Variants in CNPY1 observed in about 807,000 individuals in gnomAD.
CNPY1 encodes the protein protein canopy homolog 1.
In CNPY1, 14 loss-of-function variants were observed where a neutral mutation model predicts 14.4. The observed-to-expected ratio is 0.97, with a 90% CI of 0.64 to 1.52. The LOEUF (loss-of-function observed/expected upper bound fraction) is 1.52, where lower values mean the gene tolerates loss of function less well. Ranked by LOEUF, CNPY1 falls within the 40% of genes most tolerant of loss-of-function variation. The probability of loss-of-function intolerance (pLI) is 0.00; values close to 1 mark genes in which losing one functional copy is unlikely to be tolerated. For missense variants in CNPY1, 129 were observed against 131.5 expected (o/e 0.98, Z 0.09); for synonymous variants, 43 against 46.5 (o/e 0.92, Z 0.31).
chr7:155,531,197 G>A (rs540359059), intron 2 of CNPY1, among the ~76,000 whole-genome samples: 1 of 152,324 alleles, frequency 6.6e-6, no homozygotes, highest in South Asian at 2.1e-4. Context: ...CCCCAGCTGA[G>A]AGCCGGTGCT....
At chr7:155,513,400 G>A (rs932088649) in intron 2 of CNPY1, among the ~76,000 whole-genome samples, 3 of 152,190 alleles carry the variant, frequency 2.0e-5, no homozygotes, top group African/African-American at 7.2e-5. Context: ...ACGTGAATTT[G>A]TGGTGTCCAT....
At chr7:155,528,338 C>T (rs1796867711) in intron 2 of CNPY1, among the ~76,000 whole-genome samples, 1 of 152,228 alleles carries the variant, frequency 6.6e-6, no homozygotes, top group Non-Finnish European at 1.5e-5. Flanking sequence ...GGTGGGCGGG[C>T]CCAGGAGCCC....
intron 2 of CNPY1, among the ~76,000 whole-genome samples, chr7:155,513,814 C>T (rs1332565060): frequency 6.6e-6 from 1 of 151,948 alleles, no homozygotes; most frequent in Non-Finnish European, 1.5e-5. Context: ...AGTTAAAAAA[C>T]ACACTTTCCT....
rs1221696894 is a variant in CNPY1 at position 155,509,158 on chromosome 7, C to T, written c.100-61G>A. The T allele has an allele frequency of 3.1e-6, 3 of 963,080 alleles. No individual in the cohort carries two copies. In the African/African-American group the frequency reaches 4.9e-5, roughly 16 times the overall value. 59.7% of individuals were successfully genotyped at this position (963,080 alleles called of 1,614,324 possible). ...ATGTTAATGTTACTTCAAAGACCTT[C>T]CGGCGAGTCCACATGGAAACGCCAC... is the stretch of plus-strand genomic sequence containing the variant. On this transcript the variant is annotated intron_variant, in intron 2 of 4. Transcript: ENST00000636446.
chr7:155,524,119 G>C (rs1158324654), intron 2 of CNPY1, among the ~76,000 whole-genome samples: 5 of 152,234 alleles, frequency 3.3e-5, no homozygotes, highest in African/African-American at 1.2e-4. Flanking sequence ...CATCTGGATT[G>C]TAGTGCTTAG....
intron 2 of CNPY1, among the ~76,000 whole-genome samples, chr7:155,528,775 T>A (rs1159783108): frequency 6.6e-6 from 1 of 152,136 alleles, no homozygotes; most frequent in Non-Finnish European, 1.5e-5. Flanking sequence ...AAAAAACAAC[T>A]TTGGGCTGGG....
chr7:155,540,832 G>A (rs1303341967), intron 2 of CNPY1, among the ~76,000 whole-genome samples: 1 of 152,228 alleles, frequency 6.6e-6, no homozygotes, highest in East Asian at 1.9e-4. Flanking sequence ...GCTGAGAGCA[G>A]CAGTGCATGC....
In CNPY1 at chr7:155,501,979, C is replaced by A. The variant is rs1796124942; in HGVS notation, c.*1089G>T. 1.3e-5 allele frequency: 1 copy of A among 74,302 alleles called. No individual in the cohort carries two copies. Among genetic ancestry groups the A allele is most frequent in the South Asian group, 7.1e-4 (1 of 1,412 alleles). The allele number at this position is 74,302 out of a possible 1,614,324, so 4.6% of individuals were successfully genotyped here. A position where few individuals can be genotyped will look rare whatever the true frequency, so the allele number is the denominator to read the frequency against. Reference sequence around the variant, plus strand: ...TTTAAGCAACTAAGTAACAATATGGCAAAGAGTTTTGGGTCGGGGGGGTTG... The same window carrying A: ...TTTAAGCAACTAAGTAACAATATGGAAAAGAGTTTTGGGTCGGGGGGGTTG... On this transcript the variant is annotated 3_prime_UTR_variant, in exon 5 of 5. Transcript: ENST00000636446.
At chr7:155,517,266 A>G (rs1046477284) in intron 2 of CNPY1, among the ~76,000 whole-genome samples, 3 of 152,026 alleles carry the variant, frequency 2.0e-5, no homozygotes, top group Non-Finnish European at 4.4e-5. Context: ...ACACGCACAG[A>G]GGGACGGCCA....
intron 2 of CNPY1, among the ~76,000 whole-genome samples, chr7:155,542,046 G>T (rs1056223084): frequency 2.6e-5 from 4 of 152,100 alleles, no homozygotes; most frequent in East Asian, 1.9e-4. Context: ...GGCAGGGTCG[G>T]GGGGGCAGAA....
At chr7:155,534,148 C>T (rs914966146) in intron 2 of CNPY1, among the ~76,000 whole-genome samples, 1 of 152,184 alleles carries the variant, frequency 6.6e-6, no homozygotes, top group African/African-American at 2.4e-5. Context: ...GAAAAGCCGC[C>T]TTTCCTTTCC....
chr7:155,521,386 T>G lies in CNPY1; in HGVS notation c.100-12289A>C, dbSNP rs1174924555. Among the ~76,000 whole-genome samples, 6 of 152,036 alleles carry G rather than the reference T, an allele frequency of 3.9e-5. No individual in the cohort carries two copies. In the East Asian group the frequency reaches 1.2e-3, roughly 29 times the overall value. On this transcript the variant is annotated intron_variant, in intron 2 of 4. Transcript: ENST00000636446. ...TGACAGACAAAGAACCTCCCCAGAG[T>G]AGAAAGTCTAGTGCACGCCATGAAG...
rs58757238 is a variant in CNPY1 at position 155,521,054 on chromosome 7, A to AGAAGGAAG, written c.100-11965_100-11958dup. On this transcript the variant is annotated intron_variant, in intron 2 of 4. Transcript: ENST00000636446. The stretch of plus-strand genomic sequence containing the variant: ...AGGCATGAGAATGAAAAAAAAAGAA[A>AGAAGGAAG]GAAGGAAGGAAGGAAGGAAGGAAGC... 1.5e-3 allele frequency among the ~76,000 whole-genome samples: 216 copies of AGAAGGAAG among 148,566 alleles called. 1 individual carries two copies. Among genetic ancestry groups the AGAAGGAAG allele is most frequent in the African/African-American group, 4.1e-3 (166 of 40,498 alleles).
intron 2 of CNPY1, among the ~76,000 whole-genome samples, chr7:155,527,380 T>C (rs984103787): frequency 6.6e-6 from 1 of 150,974 alleles, no homozygotes; most frequent in African/African-American, 2.4e-5. Flanking sequence ...TAGACATGCG[T>C]CTTTTCTCTT....
At chr7:155,526,274 T>A (rs1201803569) in intron 2 of CNPY1, among the ~76,000 whole-genome samples, 1 of 152,182 alleles carries the variant, frequency 6.6e-6, no homozygotes, top group Non-Finnish European at 1.5e-5. Flanking sequence ...GCTGTGATGT[T>A]CACCCAGGAA....
intron 2 of CNPY1, among the ~76,000 whole-genome samples, chr7:155,529,827 C>T (rs573527982): frequency 8.7e-4 from 132 of 151,238 alleles, no homozygotes; most frequent in Admixed American, 2.5e-3. Flanking sequence ...CTGTCGCGCA[C>T]GCTGGAGTGC....
At chr7:155,524,564 G>A (rs753563785) in intron 2 of CNPY1, among the ~76,000 whole-genome samples, 1 of 152,190 alleles carries the variant, frequency 6.6e-6, no homozygotes, top group African/African-American at 2.4e-5. Context: ...GATCCAGGTT[G>A]TGGGCTCCCT....
chr7:155,529,907 C>T (rs574331450), intron 2 of CNPY1, among the ~76,000 whole-genome samples: 27 of 152,180 alleles, frequency 1.8e-4, no homozygotes, highest in South Asian at 8.3e-4. Context: ...CTCAGCCTCC[C>T]GAGTAACTGG....
At chr7:155,521,631 T>G (rs942416381) in intron 2 of CNPY1, among the ~76,000 whole-genome samples, 1 of 152,184 alleles carries the variant, frequency 6.6e-6, no homozygotes, top group African/African-American at 2.4e-5. Context: ...CTGAGATTGG[T>G]TTTTACATTT....
Sources: gnomAD v4.1 joint callset for allele counts (sites outside exome capture counted in the v4.1 genomes callset) on GRCh38, gnomAD v4.1.1 for gene constraint, MANE v1.5 for transcripts, NCBI Gene and HGNC (gene_info 2026-07-23, HGNC 2026-07-21) for gene names.